Variants in DPYSL3 observed in about 807,000 individuals in gnomAD.
DPYSL3 encodes dihydropyrimidinase-related protein 3.
Under a neutral mutation model 66.1 loss-of-function variants are expected in DPYSL3, and 16 were observed. The observed-to-expected ratio is 0.24, with a 90% confidence interval of 0.16 to 0.37. DPYSL3 has a LOEUF of 0.37. Among genes scored for constraint, DPYSL3 ranks in the 10% least tolerant of loss-of-function variants. The pLI is 1.00. For synonymous variants in DPYSL3, 338 were observed against 345.1 expected (o/e 0.98, Z 0.23); for missense variants, 738 against 916.2 (o/e 0.81, Z 2.51).
chr5:147,430,884 C>T (rs1396295524), intron 1 of DPYSL3, among the ~76,000 whole-genome samples: 1 of 152,192 alleles, frequency 6.6e-6, no homozygotes, highest in East Asian at 1.9e-4. Context: ...ATCTGTTCCA[C>T]ACTCCGCAGA....
intron 1 of DPYSL3, among the ~76,000 whole-genome samples, chr5:147,508,156 AAATG>A (rs777002058): frequency 1.3e-5 from 2 of 152,230 alleles, no homozygotes; most frequent in African/African-American, 2.4e-5. Flanking sequence ...ATCACAAACT[AAATG>A]AATGATTTCA....
chr5:147,406,703 A>C (rs1321982319), intron 7 of DPYSL3, among the ~76,000 whole-genome samples: 10 of 152,206 alleles, frequency 6.6e-5, no homozygotes, highest in Non-Finnish European at 1.5e-4. Flanking sequence ...AAGTTAGTCC[A>C]ATTCAGCACA....
chr5:147,418,613 C>T lies in DPYSL3; in HGVS notation c.489G>A (p.Leu163=). 6.3e-7 allele frequency: 1 copy of T among 1,580,862 alleles called. No individual in the cohort carries two copies. Among genetic ancestry groups the T allele is most frequent in the Non-Finnish European group, 8.6e-7 (1 of 1,159,788 alleles). Residue 163 remains leucine (L), a synonymous_variant, in exon 3 of 14, where the codon CTG becomes CTA. Coordinates refer to ENST00000343218, the MANE Select transcript of DPYSL3 (RefSeq NM_001197294.2). ...DGLIKQIGDN[L]IVPGGVKTIE... ...TGGTCTTCACTCCTCCAGGAACAAT[C>T]AGATTGTCTCCAATTTGTCTGGTGA... is the stretch of plus-strand genomic sequence containing the variant.
intron 1 of DPYSL3, among the ~76,000 whole-genome samples, chr5:147,471,559 T>C (rs1753085831): frequency 6.6e-6 from 1 of 152,102 alleles, no homozygotes; most frequent in African/African-American, 2.4e-5. Flanking sequence ...GTGATTACAA[T>C]CTAATCACTT....
intron 1 of DPYSL3, among the ~76,000 whole-genome samples, chr5:147,437,042 G>C (rs1752425412): frequency 6.6e-6 from 1 of 152,158 alleles, no homozygotes; most frequent in Admixed American, 6.5e-5. Flanking sequence ...CCAACTGAAA[G>C]GCAGAAAAGA....
chr5:147,495,722 CA>C lies in DPYSL3; in HGVS notation c.381+13755del, dbSNP rs1753492819. Among the ~76,000 whole-genome samples, 4 of 152,274 alleles carry C rather than the reference CA, an allele frequency of 2.6e-5. No homozygotes were observed. The South Asian group carries it at 6.2e-4, about 24-fold the overall frequency. ...TGAAGGGCCTCTTCAAGGAGAACTACAAACCACTGCTCAATGAAATAAAAGA... is the reference window on the plus strand; with the variant it reads ...TGAAGGGCCTCTTCAAGGAGAACTACAACCACTGCTCAATGAAATAAAAGA... On this transcript the variant is annotated intron_variant, in intron 1 of 13. Transcript: ENST00000343218.
chr5:147,494,374 C>T (rs1040407033), intron 1 of DPYSL3, among the ~76,000 whole-genome samples: 2 of 151,918 alleles, frequency 1.3e-5, no homozygotes, highest in African/African-American at 4.8e-5. Context: ...TAGATAAATA[C>T]ATTTCTTTTC....
chr5:147,399,375 G>A, intron 10 of DPYSL3, 123 bp from the exon 11 acceptor site: 1 of 1,155,322 alleles, frequency 8.7e-7, no homozygotes, highest in Non-Finnish European at 1.2e-6. Context: ...CACCTGAAAA[G>A]CTGGTGAGCT....
At chr5:147,458,430 T>C (rs1042884442) in intron 1 of DPYSL3, among the ~76,000 whole-genome samples, 1 of 152,188 alleles carries the variant, frequency 6.6e-6, no homozygotes. Context: ...TTGTTTAGCA[T>C]ATCATCAAGA....
At chr5:147,404,502 C>T (rs1327897284) in intron 8 of DPYSL3, among the ~76,000 whole-genome samples, 1 of 152,190 alleles carries the variant, frequency 6.6e-6, no homozygotes, top group Non-Finnish European at 1.5e-5. Context: ...CTCTCTACTA[C>T]CAGAATGGCC....
chr5:147,510,021 G>T lies in DPYSL3; in HGVS notation c.-163C>A. On this transcript the variant is annotated 5_prime_UTR_variant, in exon 1 of 14. Coordinates refer to ENST00000343218, the MANE Select transcript of DPYSL3 (RefSeq NM_001197294.2). ...TCCGATTCCTGCTTGTCCCTAGCGA[G>T]CCAGCGAGCCACACAGCCAGCTAGC... is the stretch of plus-strand genomic sequence containing the variant. 8.3e-7 allele frequency: 1 copy of T among 1,208,786 alleles called. No homozygotes were observed. The highest frequency in any genetic ancestry group is 1.1e-6 in the Non-Finnish European group (1 of 904,494). 74.9% of individuals were successfully genotyped at this position (1,208,786 alleles called of 1,614,324 possible).
In DPYSL3 at chr5:147,509,729, C is replaced by G; in HGVS notation, c.130G>C (p.Ala44Pro). Reference sequence around the variant, plus strand: ...AAATCCAGCGTCTTGCTCTCGAAGGCGCCCTCCACGTTGCAGAACATGCCG... The same window carrying G: ...AAATCCAGCGTCTTGCTCTCGAAGGGGCCCTCCACGTTGCAGAACATGCCG... ...YGGMFCNVEG[A>P]FESKTLDFDA... The change falls in exon 1 of 14, where the codon GCC (alanine) becomes CCC (proline). Residue 44 changes from alanine to proline, a missense_variant. Ala to Pro is a conservative substitution (Grantham distance 27, BLOSUM62 -1). Coordinates refer to ENST00000343218, the MANE Select transcript of DPYSL3 (RefSeq NM_001197294.2). The surrounding 1 kb of genome is among the most constrained non-coding windows in gnomAD (Gnocchi z 5.3). 6.5e-7 allele frequency: 1 copy of G among 1,535,996 alleles called. No individual in the cohort carries two copies. The highest frequency in any genetic ancestry group is 8.7e-7 in the Non-Finnish European group (1 of 1,146,812).
chr5:147,424,491 C>A (rs768127757), intron 2 of DPYSL3, among the ~76,000 whole-genome samples: 2 of 152,200 alleles, frequency 1.3e-5, no homozygotes, highest in Non-Finnish European at 2.9e-5. Flanking sequence ...TAAGTCCTAT[C>A]CTTAAGTCAA....
chr5:147,426,989 G>A (rs1271654930), intron 1 of DPYSL3, among the ~76,000 whole-genome samples: 2 of 152,164 alleles, frequency 1.3e-5, no homozygotes, highest in Non-Finnish European at 2.9e-5. Flanking sequence ...TCATGATCTG[G>A]TCTGTTAATA....
intron 1 of DPYSL3, among the ~76,000 whole-genome samples, chr5:147,492,084 A>G (rs577773132): frequency 1.7e-4 from 26 of 152,260 alleles, no homozygotes; most frequent in African/African-American, 5.8e-4. Context: ...CAAAGCAAAC[A>G]TGAAAATTTC....
At chr5:147,427,187 A>C (rs1380629908) in intron 1 of DPYSL3, among the ~76,000 whole-genome samples, 2 of 152,146 alleles carry the variant, frequency 1.3e-5, no homozygotes, top group African/African-American at 4.8e-5. Flanking sequence ...TTCCTCCACG[A>C]TGTGTGACCT....
At chr5:147,501,233 C>T (rs1177655286) in intron 1 of DPYSL3, among the ~76,000 whole-genome samples, 1 of 152,108 alleles carries the variant, frequency 6.6e-6, no homozygotes, top group Non-Finnish European at 1.5e-5. Context: ...CTGTGTGATT[C>T]CCACTATATG....
intron 1 of DPYSL3, among the ~76,000 whole-genome samples, chr5:147,460,799 T>C (rs1752919767): frequency 6.6e-6 from 1 of 152,158 alleles, no homozygotes; most frequent in Non-Finnish European, 1.5e-5. Context: ...GTTTTCAGGC[T>C]TGCAATCCAT....
chr5:147,417,230 G>A (rs568301824), intron 3 of DPYSL3, among the ~76,000 whole-genome samples: 6 of 152,306 alleles, frequency 3.9e-5, no homozygotes, highest in African/African-American at 1.2e-4. Flanking sequence ...TCCTTGCCCA[G>A]ATGGCAGAAA....
Sources: gnomAD v4.1 joint callset for allele counts (sites outside exome capture counted in the v4.1 genomes callset) on GRCh38, gnomAD v4.1.1 for gene constraint, Gnocchi (gnomAD v3.1) non-coding constraint, MANE v1.5 for transcripts, NCBI Gene and HGNC (gene_info 2026-07-23, HGNC 2026-07-21) for gene names.